The following CPA4 variants were observed in gnomAD, a reference collection of about 807,000 sequenced individuals.
The protein encoded by CPA4 is carboxypeptidase A4.
A neutral mutation model predicts 54.7 loss-of-function variants in CPA4; 49 were observed. That is an observed-to-expected ratio of 0.90 (90% CI 0.71 to 1.14). CPA4 has a LOEUF of 1.14. Ranked by LOEUF, CPA4 falls within the 50% of genes most tolerant of loss-of-function variation. The probability of loss-of-function intolerance (pLI) is 0.00; values close to 1 mark genes in which losing one functional copy is unlikely to be tolerated. For synonymous variants in CPA4, 215 were observed against 206.8 expected, an observed-to-expected ratio of 1.04 and a Z score of -0.34; for missense variants, 487 against 525.1, an observed-to-expected ratio of 0.93 and a Z score of 0.71.
chr7:130,294,966 C>T (rs1248724895), intron 1 of CPA4, among the ~76,000 whole-genome samples: 1 of 152,208 alleles, frequency 6.6e-6, no homozygotes, highest in African/African-American at 2.4e-5. Context: ...CCCTCCCTTC[C>T]ATCTGCCTCA....
chr7:130,294,475 G>A (rs1347980710), intron 1 of CPA4, among the ~76,000 whole-genome samples: 1 of 152,208 alleles, frequency 6.6e-6, no homozygotes, highest in Non-Finnish European at 1.5e-5. Context: ...TCCCACAGGC[G>A]GCTCAGCAGT....
intron 10 of CPA4, among the ~76,000 whole-genome samples, chr7:130,320,991 G>A (rs1794086536): frequency 6.6e-6 from 1 of 152,132 alleles, no homozygotes. Flanking sequence ...TTGAGTCCAG[G>A]AGTTTGACAC....
At chr7:130,295,577 AT>A (rs963384084) in intron 1 of CPA4, among the ~76,000 whole-genome samples, 28 of 152,318 alleles carry the variant, frequency 1.8e-4, no homozygotes, top group Non-Finnish European at 3.4e-4. Flanking sequence ...TGACGAGGGC[AT>A]TTTTCAAATA....
At chr7:130,297,374 T>C (rs1793666401) in intron 1 of CPA4, among the ~76,000 whole-genome samples, 1 of 152,116 alleles carries the variant, frequency 6.6e-6, no homozygotes, top group Admixed American at 6.5e-5. Flanking sequence ...GCCTGTTGGG[T>C]TCAGACTGAG....
chr7:130,313,646 C>T (rs549797940), intron 10 of CPA4, among the ~76,000 whole-genome samples: 138 of 152,030 alleles, frequency 9.1e-4, no homozygotes, highest in Admixed American at 2.0e-3. Flanking sequence ...ATAGAGGTTA[C>T]ACCTAAGGCC....
chr7:130,306,594 C>T (rs1286024527), intron 6 of CPA4, among the ~76,000 whole-genome samples, 193 bp from the exon 7 acceptor site: 3 of 152,160 alleles, frequency 2.0e-5, no homozygotes, highest in Admixed American at 2.0e-4. Context: ...CGTGTCTCTC[C>T]AGGCTTTGAA....
In CPA4 at chr7:130,308,122, G is replaced by A. The variant is rs577847441; in HGVS notation, c.703-185G>A. The A allele has an allele frequency of 7.1e-5, 43 of 607,138 alleles. 1 individual carries two copies. The highest frequency in any genetic ancestry group is 1.0e-4 in the Non-Finnish European group (35 of 337,336). The allele number at this position is 607,138 out of a possible 1,614,324, so 37.6% of individuals were successfully genotyped here. On this transcript the variant is annotated intron_variant, in intron 7 of 10. Transcript: ENST00000222482. ...TGGAAGAAGTCCTTCTCTTAGAGCC[G>A]GAAGGGGAAATACTCCTCTCTCTGC... is the stretch of plus-strand genomic sequence containing the variant.
chr7:130,320,976 AT>A (rs1217035810), intron 10 of CPA4, among the ~76,000 whole-genome samples: 1 of 152,184 alleles, frequency 6.6e-6, no homozygotes, highest in Non-Finnish European at 1.5e-5. Context: ...AGGTGGGATG[AT>A]CACTTGAGTC....
Position 130,300,889 on chromosome 7 carries a change from A to G in CPA4, c.359A>G (p.Tyr120Cys), listed in dbSNP as rs148389718. The G allele has an allele frequency of 2.5e-5, 41 of 1,612,618 alleles. 1 individual carries two copies. Among genetic ancestry groups the G allele is most frequent in the African/African-American group, 2.5e-4 (19 of 75,014 alleles). Reference sequence around the variant, plus strand: ...GAACGGAGCAGTAATAACTTCAACTACGGGGCTTACCATTCCCTGGAAGCT... The same window carrying G: ...GAACGGAGCAGTAATAACTTCAACTGCGGGGCTTACCATTCCCTGGAAGCT... ...GQERSSNNFN[Y>C]GAYHSLEAIY... The change falls in exon 4 of 11, where the codon TAC becomes TGC. Residue 120 changes from tyrosine (Y) to cysteine (C), a missense_variant. Tyr to Cys is a radical substitution (Grantham distance 194). Coordinates refer to ENST00000222482, the MANE Select transcript of CPA4 (RefSeq NM_016352.4).
chr7:130,306,945 C>A, intron 7 of CPA4, 48 bp downstream of exon 7: 1 of 996,670 alleles, frequency 1.0e-6, no homozygotes, highest in Non-Finnish European at 1.6e-6. Flanking sequence ...GAATTCCTTG[C>A]TTTGCCACTA....
intron 7 of CPA4, among the ~76,000 whole-genome samples, chr7:130,307,929 G>A (rs556391253): frequency 6.6e-6 from 1 of 152,244 alleles, no homozygotes; most frequent in Admixed American, 6.5e-5. Context: ...TGGATTCAGG[G>A]GAATTTTTTA....
At chr7:130,309,455 G>A (rs1793878714) in intron 8 of CPA4, among the ~76,000 whole-genome samples, 1 of 152,172 alleles carries the variant, frequency 6.6e-6, no homozygotes, top group African/African-American at 2.4e-5. Context: ...CCTTAGATGT[G>A]TAGATATGAA....
intron 10 of CPA4, among the ~76,000 whole-genome samples, chr7:130,320,337 C>T (rs761791439): frequency 9.2e-5 from 14 of 152,194 alleles, no homozygotes; most frequent in Non-Finnish European, 1.8e-4. Flanking sequence ...CAAACTTCGT[C>T]ATTTTGACTG....
chr7:130,296,989 A>G (rs1262780345), intron 1 of CPA4, among the ~76,000 whole-genome samples: 1 of 150,718 alleles, frequency 6.6e-6, no homozygotes, highest in Non-Finnish European at 1.5e-5. Context: ...GTCTTGCTCT[A>G]TTGCCCAGGT....
chr7:130,300,485 AC>A (rs1002986439), intron 3 of CPA4, among the ~76,000 whole-genome samples: 3 of 151,598 alleles, frequency 2.0e-5, no homozygotes, highest in Admixed American at 1.3e-4. Context: ...ACAGGCACGC[AC>A]CACCACGCCC....
intron 7 of CPA4, among the ~76,000 whole-genome samples, chr7:130,307,579 C>A (rs968770382): frequency 6.8e-6 from 1 of 147,416 alleles, no homozygotes; most frequent in African/African-American, 2.5e-5. Flanking sequence ...TTGCAGTGAG[C>A]CGAGATGGCG....
In CPA4 at chr7:130,323,895, TTGTGTGTG is replaced by T. The variant is rs57842029; in HGVS notation, c.*1253_*1260del. 0.24 allele frequency: 34,822 copies of T among 145,128 alleles called. 4,076 individuals carry two copies. The highest frequency in any genetic ancestry group is 0.34 in the South Asian group (1,505 of 4,432). 9.0% of individuals were successfully genotyped at this position (145,128 alleles called of 1,614,324 possible). ...GTATCCTGTGTTTCCTTGTCCTGGT[TTGTGTGTG>T]TGTGTGTGTGTGTGTGTGTGTGTGT... On this transcript the variant is annotated 3_prime_UTR_variant, in exon 11 of 11. Transcript: ENST00000222482.
chr7:130,299,146 C>G, intron 2 of CPA4, 124 bp from the exon 3 acceptor site: 2 of 1,037,750 alleles, frequency 1.9e-6, no homozygotes, highest in Non-Finnish European at 2.9e-6. Context: ...GCAAACTTTG[C>G]CCTTGGGCAG....
Position 130,305,891 on chromosome 7 carries a change from C to T in CPA4, c.562C>T (p.Gln188Ter). ...CATCCATTCCCGAGAGTGGATCTCC[C>T]AGGCCACTGCAATCTGGACGGCAAG... The part of the protein sequence containing the change: ...AGIHSREWIS[Q>*]ATAIWTARKI... Residue 188 changes from glutamine to a stop codon, truncating the protein, a stop_gained, in exon 6 of 11, where the codon CAG (glutamine) becomes TAG (stop). Transcript: ENST00000222482. LOFTEE classifies it high-confidence loss of function. 6.2e-7 allele frequency: 1 copy of T among 1,613,978 alleles called. No homozygotes were observed. The highest frequency in any genetic ancestry group is 8.5e-7 in the Non-Finnish European group (1 of 1,179,886).
Sources: allele counts gnomAD v4.1 joint callset (sites outside exome capture counted in the v4.1 genomes callset), GRCh38; gene constraint gnomAD v4.1.1; transcripts MANE v1.5; gene names NCBI Gene and HGNC (gene_info 2026-07-23, HGNC 2026-07-21).